PTPRR: variants seen among roughly 807,000 people sequenced by gnomAD.
The protein encoded by PTPRR is protein tyrosine phosphatase receptor type R.
Under a neutral mutation model 77.2 loss-of-function variants are expected in PTPRR, and 38 were observed. That is an observed-to-expected ratio of 0.49 (90% CI 0.38 to 0.65). The LOEUF (loss-of-function observed/expected upper bound fraction) is 0.65. Ranked by LOEUF, PTPRR falls within the 30% of genes least tolerant of loss-of-function variation. The pLI is 0.00. For missense variants in PTPRR, 744 were observed against 799.2 expected (o/e 0.93, Z 0.83); for synonymous variants, 299 against 283.1 (o/e 1.06, Z -0.57).
chr12:70,645,988 C>T (rs189940902), intron 13 of PTPRR, among the ~76,000 whole-genome samples: 2 of 152,132 alleles, frequency 1.3e-5, no homozygotes, highest in African/African-American at 4.8e-5. Context: ...CCTGTCGTAC[C>T]GCCCAGCCCG....
intron 2 of PTPRR, among the ~76,000 whole-genome samples, chr12:70,851,558 A>C (rs1418070204): frequency 6.6e-6 from 1 of 152,288 alleles, no homozygotes; most frequent in Admixed American, 6.5e-5. Context: ...ATCTGAAAAC[A>C]GAGAGAATAA....
intron 2 of PTPRR, among the ~76,000 whole-genome samples, chr12:70,829,119 C>T (rs1892166764): frequency 1.3e-5 from 2 of 151,904 alleles, no homozygotes; most frequent in South Asian, 4.2e-4. Flanking sequence ...CAGGTAAGCT[C>T]CATGTGGGCA....
At chr12:70,885,569 C>G (rs1369150365) in intron 2 of PTPRR, among the ~76,000 whole-genome samples, 6 of 141,262 alleles carry the variant, frequency 4.2e-5, no homozygotes, top group East Asian at 2.1e-4. Flanking sequence ...GAGTCTTGCT[C>G]TGTTGCCCAG....
At chr12:70,649,624 G>A (rs1886322346) in intron 13 of PTPRR, among the ~76,000 whole-genome samples, 1 of 152,116 alleles carries the variant, frequency 6.6e-6, no homozygotes. Flanking sequence ...CGCCCAGCCT[G>A]GAGTGCAGTG....
intron 2 of PTPRR, among the ~76,000 whole-genome samples, chr12:70,810,824 A>C (rs1263754794): frequency 1.3e-5 from 2 of 152,126 alleles, no homozygotes; most frequent in African/African-American, 4.8e-5. Flanking sequence ...AAAGACAAAA[A>C]CTCTCTGAGC....
intron 2 of PTPRR, among the ~76,000 whole-genome samples, chr12:70,787,197 T>C (rs1314178573): frequency 6.6e-6 from 1 of 152,188 alleles, no homozygotes; most frequent in Admixed American, 6.5e-5. Flanking sequence ...TTTAGGAAGA[T>C]TGAGGTCCTG....
At chr12:70,745,590 A>G (rs540024643) in intron 6 of PTPRR, among the ~76,000 whole-genome samples, 2 of 152,236 alleles carry the variant, frequency 1.3e-5, no homozygotes, top group East Asian at 3.9e-4. Context: ...TTGGATCTAT[A>G]CCATCTTGAA....
At chr12:70,891,875 C>A (rs1298653736) in intron 2 of PTPRR, among the ~76,000 whole-genome samples, 1 of 152,030 alleles carries the variant, frequency 6.6e-6, no homozygotes, top group Non-Finnish European at 1.5e-5. Context: ...CCACACAAAT[C>A]AACTCATTTG....
chr12:70,749,560 T>C (rs1189840635), intron 5 of PTPRR, among the ~76,000 whole-genome samples: 3 of 152,214 alleles, frequency 2.0e-5, no homozygotes, highest in African/African-American at 4.8e-5. Flanking sequence ...ATCATTCCAG[T>C]TAGGAATCTG....
At chr12:70,755,547 C>T (rs1461919986) in intron 4 of PTPRR, among the ~76,000 whole-genome samples, 2 of 152,058 alleles carry the variant, frequency 1.3e-5, no homozygotes, top group Non-Finnish European at 2.9e-5. Context: ...ATTGTGATTA[C>T]AAAAATTATT....
intron 1 of PTPRR, among the ~76,000 whole-genome samples, chr12:70,913,516 T>TA (rs1893731202): frequency 1.3e-5 from 2 of 152,168 alleles, no homozygotes; most frequent in African/African-American, 4.8e-5. Context: ...CTATGTTGTT[T>TA]ATCTAACTCT....
intron 13 of PTPRR, chr12:70,639,488 A>G (rs12578791): frequency 0.047 from 62,214 of 1,326,538 alleles, 2,327 homozygotes; most frequent in Admixed American, 0.17. Context: ...CACAGTTCCC[A>G]GCACACACTA....
chr12:70,786,846 T>A (rs867749680), intron 2 of PTPRR, among the ~76,000 whole-genome samples: 2 of 152,214 alleles, frequency 1.3e-5, no homozygotes, highest in South Asian at 4.1e-4. Flanking sequence ...TATGATTTAA[T>A]GTCTTTCAAC....
chr12:70,746,276 C>T (rs1338831665), intron 5 of PTPRR, among the ~76,000 whole-genome samples, 190 bp from the exon 6 acceptor site: 2 of 152,100 alleles, frequency 1.3e-5, no homozygotes, highest in Admixed American at 6.5e-5. Flanking sequence ...CTTGGTATTT[C>T]CAGTTATGCT....
At chr12:70,860,875 T>C (rs1892741114) in intron 2 of PTPRR, among the ~76,000 whole-genome samples, 1 of 152,142 alleles carries the variant, frequency 6.6e-6, no homozygotes, top group Non-Finnish European at 1.5e-5. Context: ...CCTTGACCAG[T>C]TTATATAAAC....
intron 10 of PTPRR, among the ~76,000 whole-genome samples, chr12:70,670,480 T>C (rs1377933196): frequency 4.6e-5 from 7 of 152,212 alleles, no homozygotes; most frequent in Admixed American, 4.6e-4. Context: ...AAACCTACTT[T>C]GTAGAGTTAG....
chr12:70,915,023 A>AATCAATG (rs1334647525), intron 1 of PTPRR, among the ~76,000 whole-genome samples: 1 of 152,144 alleles, frequency 6.6e-6, no homozygotes, highest in Non-Finnish European at 1.5e-5. Context: ...AATAACAAAA[A>AATCAATG]ATCAATGACA....
rs573188527 is a variant in PTPRR, at chr12:70,847,167, T to C, written c.357+45512A>G. On this transcript the variant is annotated intron_variant, in intron 2 of 13. Coordinates refer to ENST00000283228, the MANE Select transcript of PTPRR (RefSeq NM_002849.4). ...GACAAGAGACCTTGCTCTGCCACAG[T>C]TTATGCAGCTGTAACATCAATATAA... Among the ~76,000 whole-genome samples, 45 of 152,306 alleles carry C rather than the reference T, an allele frequency of 3.0e-4. No individual in the cohort carries two copies. The East Asian group carries it at 7.5e-3, about 26-fold the overall frequency.
intron 13 of PTPRR, among the ~76,000 whole-genome samples, chr12:70,652,289 C>A (rs1245018583): frequency 6.6e-6 from 1 of 151,960 alleles, no homozygotes; most frequent in East Asian, 1.9e-4. Flanking sequence ...AGGACTGGAA[C>A]AAGAGGCAAG....
Sources: gnomAD v4.1 joint callset for allele counts (sites outside exome capture counted in the v4.1 genomes callset) on GRCh38, gnomAD v4.1.1 for gene constraint, MANE v1.5 for transcripts, NCBI Gene and HGNC (gene_info 2026-07-23, HGNC 2026-07-21) for gene names.